The following WIZ variants were observed in gnomAD, a reference collection of about 807,000 sequenced individuals.
The protein encoded by WIZ is WIZ zinc finger.
In WIZ, 25 loss-of-function variants were observed where a neutral mutation model predicts 140.2. The ratio of observed to expected loss-of-function variants is 0.18; its 90% CI spans 0.13 to 0.25. The LOEUF (loss-of-function observed/expected upper bound fraction) is 0.25. Ranked by LOEUF, WIZ falls within the 10% of genes least tolerant of loss-of-function variation. WIZ has a pLI of 1.00. For missense variants in WIZ, 2,231 were observed against 2,632.6 expected (o/e 0.85, Z 3.34); for synonymous variants, 1,125 against 1,154.3 (o/e 0.97, Z 0.51).
At position 15,424,326 on chromosome 19, in the gene WIZ, G is replaced by A. The variant is rs775335383; in HGVS notation, c.5367C>T (p.Gly1789=). 1.6e-5 allele frequency: 25 copies of A among 1,603,496 alleles called. 1 individual carries two copies. The highest frequency in any genetic ancestry group is 1.3e-4 in the South Asian group (12 of 90,196). Reference sequence around the variant, plus strand: ...TCTGCTGTAGGTCATTGGTGTCCTCGCCTCCCCGGGCTGCGGAGGCATCTG... The same window carrying A: ...TCTGCTGTAGGTCATTGGTGTCCTCACCTCCCCGGGCTGCGGAGGCATCTG... ...RPPDASAARG[G]EDTNDLQQKL... Residue 1789 remains glycine (G), a synonymous_variant, in exon 12 of 13, where the codon GGC becomes GGT. Coordinates refer to ENST00000673675, the MANE Select transcript of WIZ (RefSeq NM_001371589.1). The surrounding 1 kb of genome is among the most constrained non-coding windows in gnomAD (Gnocchi z 9.7).
Position 15,440,888 on chromosome 19 carries a change from C to T in WIZ, c.279-173G>A, listed in dbSNP as rs114916588. 9.4e-3 allele frequency among the ~76,000 whole-genome samples: 1,432 copies of T among 152,166 alleles called. 19 individuals carry two copies. The highest frequency in any genetic ancestry group is 0.031 in the African/African-American group (1,301 of 41,510). On this transcript the variant is annotated intron_variant, in intron 3 of 12. Coordinates refer to ENST00000673675, the MANE Select transcript of WIZ (RefSeq NM_001371589.1). The surrounding 1 kb of genome is among the most constrained non-coding windows in gnomAD (Gnocchi z 6.2). ...TAGGGGGAGTCCACGTGGATCCTTC[C>T]GGACCTATCGGGTCAAAAGCCAGGT...
At position 15,431,116 on chromosome 19, in the gene WIZ, C is replaced by T. The variant is rs962164851; in HGVS notation, c.2807G>A (p.Ser936Asn). The change falls in exon 6 of 13, where the codon AGC becomes AAC. Residue 936 changes from serine (S) to asparagine (N), a missense_variant. This residue lies in a region of WIZ where 137 missense variants were observed against 135.8 expected (regional missense o/e 1.01). Coordinates refer to ENST00000673675, the MANE Select transcript of WIZ (RefSeq NM_001371589.1). The part of the protein sequence containing the change: ...DLGSPSLPKK[S>N]LPVPGALEQV... ...CTCCAGGGCCCCAGGGACAGGCAGG[C>T]TCTTCTTAGGGAGCGAGGGAGAGCC... The T allele has an allele frequency of 1.2e-5, 18 of 1,535,398 alleles. No homozygotes were observed. The highest frequency in any genetic ancestry group is 1.5e-5 in the Non-Finnish European group (17 of 1,146,678).
At chr19:15,425,124 C>G (rs746485214) in intron 10 of WIZ, 92 bp from the exon 11 acceptor site, 125 of 1,513,814 alleles carry the variant, frequency 8.3e-5, no homozygotes, top group Non-Finnish European at 5.6e-5. Context: ...AATCCCGCCT[C>G]CCACACAGAC....
At chr19:15,437,574 T>C (rs550615278) in intron 4 of WIZ, among the ~76,000 whole-genome samples, 2 of 152,342 alleles carry the variant, frequency 1.3e-5, no homozygotes, top group Admixed American at 1.3e-4. Flanking sequence ...GAGGATTGCT[T>C]GAGCTTAGGA....
intron 2 of WIZ, among the ~76,000 whole-genome samples, chr19:15,445,670 T>A (rs1373455233): frequency 6.6e-6 from 1 of 152,174 alleles, no homozygotes; most frequent in Non-Finnish European, 1.5e-5. Context: ...TACCAGACTC[T>A]TCATCGATCC....
rs1599633367 is a variant in WIZ at position 15,420,885 on chromosome 19, G to T, written c.*2191C>A. ...CACGCCTGTAATCCCAGCACTTTGG[G>T]AGGCTGATCACTTGAGCTCAGGAGT... On this transcript the variant is annotated 3_prime_UTR_variant, in exon 13 of 13. Transcript: ENST00000673675. 6.6e-6 allele frequency: 1 copy of T among 152,332 alleles called. No individual in the cohort carries two copies. Among genetic ancestry groups the T allele is most frequent in the East Asian group, 1.9e-4 (1 of 5,182 alleles). 9.4% of individuals were successfully genotyped at this position (152,332 alleles called of 1,614,324 possible).
rs1194233827 is a variant in WIZ at position 15,421,648 on chromosome 19, G to T, written c.*1428C>A. On this transcript the variant is annotated 3_prime_UTR_variant, in exon 13 of 13. Transcript: ENST00000673675. ...TCCCCGCATGTTCCTTGGGTCAGGG[G>T]TGCATGTGTCTCACTAGAAGTCACA... 6.6e-6 allele frequency: 1 copy of T among 152,210 alleles called. No individual in the cohort carries two copies. Among genetic ancestry groups the T allele is most frequent in the African/African-American group, 2.4e-5 (1 of 41,450 alleles). The allele number at this position is 152,210 out of a possible 1,614,324, so 9.4% of individuals were successfully genotyped here. A position where few individuals can be genotyped will look rare whatever the true frequency, so the allele number is the denominator to read the frequency against.
In WIZ at chr19:15,424,232, G is replaced by T. The variant is rs746560285; in HGVS notation, c.5461C>A (p.Gln1821Lys). 3 of 1,577,478 alleles carry T rather than the reference G, an allele frequency of 1.9e-6. No homozygotes were observed. The highest frequency in any genetic ancestry group is 1.4e-5 in the African/African-American group (1 of 72,336). ...PVPSLVPRPP[Q>K]TSLVKFVGNI... The stretch of plus-strand genomic sequence containing the variant: ...CCCACGAACTTGACAAGTGATGTCT[G>T]GGGGGGCCGGGGCACCAGGGAGGGG... Residue 1821 changes from glutamine to lysine, a missense_variant, in exon 12 of 13, where the codon CAG becomes AAG. Gln to Lys is a moderately conservative substitution (Grantham distance 53). This residue lies in a region of WIZ where 299 missense variants were observed against 309.6 expected (regional missense o/e 0.97). Transcript: ENST00000673675. This position sits in a 1 kb window ranked among gnomAD's most constrained non-coding sequence, Gnocchi z 9.7.
chr19:15,439,968 G>T lies in WIZ; in HGVS notation c.1026C>A (p.Gly342=). The change falls in exon 4 of 13, where the codon GGC becomes GGA. Residue 342 remains glycine (G), a synonymous_variant. Coordinates refer to ENST00000673675, the MANE Select transcript of WIZ (RefSeq NM_001371589.1). This position sits in a 1 kb window ranked among gnomAD's most constrained non-coding sequence, Gnocchi z 7.0. The part of the protein sequence containing the change: ...EHMSQHRRAP[G]QEPPADLAPL... Reference sequence around the variant, plus strand: ...GGGCCAGGTCCGCAGGGGGCTCCTGGCCCGGGGCTCGGCGGTGCTGGCTCA... The same window carrying T: ...GGGCCAGGTCCGCAGGGGGCTCCTGTCCCGGGGCTCGGCGGTGCTGGCTCA... The T allele has an allele frequency of 6.5e-7, 1 of 1,535,690 alleles. No homozygotes were observed. Among genetic ancestry groups the T allele is most frequent in the Non-Finnish European group, 8.7e-7 (1 of 1,146,702 alleles).
chr19:15,440,508 T>G lies in WIZ; in HGVS notation c.486A>C (p.Arg162Ser). 1.3e-6 allele frequency: 2 copies of G among 1,536,096 alleles called. No homozygotes were observed. The highest frequency in any genetic ancestry group is 1.7e-6 in the Non-Finnish European group (2 of 1,146,878). Residue 162 changes from arginine (R) to serine (S), a missense_variant, in exon 4 of 13, where the codon AGA (arginine) becomes AGC (serine). By Grantham distance (110) the Arg-to-Ser change is moderately radical. Transcript: ENST00000673675. This position sits in a 1 kb window ranked among gnomAD's most constrained non-coding sequence, Gnocchi z 6.2. ...MKPHAELEGS[R>S]RFLHHRGEPR... ...GTTCCCCCCGGTGGTGTAAGAACCT[T>G]CTAGAGCCCTCTAGCTCAGCGTGGG... is the stretch of plus-strand genomic sequence containing the variant.
chr19:15,423,114 C>A lies in WIZ; in HGVS notation c.5632G>T (p.Ala1878Ser). 6.2e-7 allele frequency: 1 copy of A among 1,612,398 alleles called. No homozygotes were observed. Among genetic ancestry groups the A allele is most frequent in the Non-Finnish European group, 8.5e-7 (1 of 1,179,808 alleles). Residue 1878 changes from alanine (A) to serine (S), a missense_variant, in exon 13 of 13, where the codon GCC becomes TCC. This residue lies in a region of WIZ where 299 missense variants were observed against 309.6 expected (regional missense o/e 0.97). Coordinates refer to ENST00000673675, the MANE Select transcript of WIZ (RefSeq NM_001371589.1). Reference protein sequence around the residue: ...KADPPPEESQAPQAQTAAAEA... With the variant: ...KADPPPEESQSPQAQTAAAEA... ...GCCGCCGCTGTCTGTGCCTGCGGGG[C>A]CTGGGACTCCTCAGGTGGGGGGTCC... is the stretch of plus-strand genomic sequence containing the variant.
chr19:15,427,321 G>A lies in WIZ; in HGVS notation c.4027C>T (p.Pro1343Ser). The A allele has an allele frequency of 6.2e-7, 1 of 1,613,634 alleles. No individual in the cohort carries two copies. The change falls in exon 9 of 13, where the codon CCA becomes TCA. Residue 1343 changes from proline to serine, a missense_variant. Pro to Ser is a moderately conservative substitution (Grantham distance 74). Around this residue, in one of 15 missense-constraint regions of WIZ, gnomAD observed 393 missense variants for 451.7 expected, o/e 0.87. Coordinates refer to ENST00000673675, the MANE Select transcript of WIZ (RefSeq NM_001371589.1). This position sits in a 1 kb window ranked among gnomAD's most constrained non-coding sequence, Gnocchi z 6.4. ...ATCTTGGCCAGGGCTTTTGGGCTTG[G>A]CCCTGGTGGGTTGGGAGGTCCACCA... ...RPGGPPNPPG[P>S]SPKALAKMMG...
At chr19:15,430,301 AAAGTTGTGCCC>A (rs1485508526) in intron 6 of WIZ, among the ~76,000 whole-genome samples, 1 of 152,234 alleles carries the variant, frequency 6.6e-6, no homozygotes. Context: ...CAGAGAGGGA[AAAGTTGTGCCC>A]AAGGGCACAC....
rs1451735249 is a variant in WIZ at position 15,427,678 on chromosome 19, AG to A, written c.3815-146del. The A allele has an allele frequency of 3.2e-6, 3 of 933,836 alleles. No homozygotes were observed. In the African/African-American group the frequency reaches 5.0e-5, roughly 16 times the overall value. 57.8% of individuals were successfully genotyped at this position (933,836 alleles called of 1,614,324 possible). ...AGGGCAGGTGCAGGTAAGGGAGTGG[AG>A]GAGCGGGGCTGGGGGCCAGATACCC... On this transcript the variant is annotated intron_variant, in intron 8 of 12. Coordinates refer to ENST00000673675, the MANE Select transcript of WIZ (RefSeq NM_001371589.1). This position sits in a 1 kb window ranked among gnomAD's most constrained non-coding sequence, Gnocchi z 6.4.
At chr19:15,432,457 C>G (rs1217042494) in intron 5 of WIZ, 2 of 983,420 alleles carry the variant, frequency 2.0e-6, no homozygotes, top group Non-Finnish European at 2.4e-6. Context: ...GGACGCGGGC[C>G]CGGGCCCCGG....
Position 15,439,684 on chromosome 19 carries a change from C to T in WIZ, c.1310G>A (p.Gly437Glu). The T allele has an allele frequency of 1.3e-6, 2 of 1,501,978 alleles. No individual in the cohort carries two copies. Among genetic ancestry groups the T allele is most frequent in the South Asian group, 2.5e-5 (2 of 79,860 alleles). 93.0% of individuals were successfully genotyped at this position (1,501,978 alleles called of 1,614,324 possible). Residue 437 changes from glycine (G) to glutamate (E), a missense_variant, in exon 4 of 13, where the codon GGA becomes GAA. By Grantham distance (98) the Gly-to-Glu change is moderately conservative. Transcript: ENST00000673675. The surrounding 1 kb of genome is among the most constrained non-coding windows in gnomAD (Gnocchi z 7.0). The part of the protein sequence containing the change: ...PPGQTTKEPF[G>E]GSSGAGSPSP... ...GGGGCTGCCAGCCCCGCTGCTGCCT[C>T]CAAAAGGCTCTTTGGTGGTCTGGCC... is the stretch of plus-strand genomic sequence containing the variant.
intron 2 of WIZ, among the ~76,000 whole-genome samples, chr19:15,446,868 C>T (rs1969938183): frequency 6.6e-6 from 1 of 152,234 alleles, no homozygotes. Flanking sequence ...CAGGGCGTGG[C>T]CCCTAGAAGA....
At chr19:15,432,069 G>A (rs186966000) in intron 5 of WIZ, among the ~76,000 whole-genome samples, 24 of 152,296 alleles carry the variant, frequency 1.6e-4, no homozygotes, top group African/African-American at 5.5e-4. Flanking sequence ...TAGGCGCTGA[G>A]GACTGGGGCA....
intron 12 of WIZ, among the ~76,000 whole-genome samples, chr19:15,423,505 C>G (rs1381463943): frequency 2.6e-5 from 4 of 152,284 alleles, no homozygotes; most frequent in Non-Finnish European, 4.4e-5. Context: ...CCAGGTACCC[C>G]TGCCATCTGG....
Sources: allele counts gnomAD v4.1 joint callset (sites outside exome capture counted in the v4.1 genomes callset), GRCh38; gene constraint gnomAD v4.1.1; regional missense constraint gnomAD v4.1.1; non-coding constraint Gnocchi (gnomAD v3.1); transcripts MANE v1.5; gene names NCBI Gene and HGNC (gene_info 2026-07-23, HGNC 2026-07-21).